The following CORO7 variants were observed in gnomAD, a reference collection of about 807,000 sequenced individuals.
The protein encoded by CORO7 is coronin-7.
Under a neutral mutation model 126.6 loss-of-function variants are expected in CORO7, and 107 were observed. The observed-to-expected ratio is 0.85, with a 90% CI of 0.72 to 0.99. CORO7 has a LOEUF of 0.99. Among genes scored for constraint, CORO7 ranks in the 50% least tolerant of loss-of-function variants. The probability of loss-of-function intolerance (pLI) is 0.00; values close to 1 mark genes in which losing one functional copy is unlikely to be tolerated. For missense variants in CORO7, 1,314 were observed against 1,255.8 expected (o/e 1.05, Z -0.70); for synonymous variants, 603 against 536.8 (o/e 1.12, Z -1.70).
intron 9 of CORO7, among the ~76,000 whole-genome samples, chr16:4,385,081 G>A (rs1236513738): frequency 2.6e-5 from 4 of 152,164 alleles, no homozygotes; most frequent in Non-Finnish European, 5.9e-5. Context: ...GCCAGGGGGC[G>A]ACCAAGCTGA....
chr16:4,364,318 C>A lies in CORO7; in HGVS notation c.1233G>T (p.Gln411His), dbSNP rs1271039567. 15 of 1,546,246 alleles carry A rather than the reference C, an allele frequency of 9.7e-6. No homozygotes were observed. Among genetic ancestry groups the A allele is most frequent in the Non-Finnish European group, 1.3e-5 (15 of 1,150,508 alleles). ...CCACGGGTGTCTCCATCACCGCAGG[C>A]TGGGCTGTGTCAGGGAGGGGCTCCG... ...PPAEPLPDTAQPAVMETPVGD... is the reference protein window; with the variant it reads ...PPAEPLPDTAHPAVMETPVGD... The change falls in exon 14 of 28, where the codon CAG becomes CAT. Residue 411 changes from glutamine to histidine, a missense_variant. Transcript: ENST00000251166.
intron 6 of CORO7, among the ~76,000 whole-genome samples, chr16:4,401,489 A>G (rs2055805734): frequency 6.6e-6 from 1 of 152,224 alleles, no homozygotes; most frequent in Admixed American, 6.5e-5. Flanking sequence ...CACCAGGTAC[A>G]GTCCAGGGAC....
chr16:4,375,980 TG>T, intron 9 of CORO7, among the ~76,000 whole-genome samples: 1 of 152,312 alleles, frequency 6.6e-6, no homozygotes, highest in East Asian at 1.9e-4. Context: ...AGCTCCTGGC[TG>T]TGGCATTATC....
chr16:4,357,634 G>C, intron 25 of CORO7: 1 of 361,340 alleles, frequency 2.8e-6, no homozygotes, highest in Non-Finnish European at 5.0e-6. Context: ...GGGATTACAG[G>C]CATGAGCCAC....
rs150550954 is a variant in CORO7, at chr16:4,369,463, G to A, written c.786-3918C>T. 1.5e-4 allele frequency among the ~76,000 whole-genome samples: 23 copies of A among 152,340 alleles called. No individual in the cohort carries two copies. In the East Asian group the frequency reaches 3.3e-3, roughly 22 times the overall value. ...GGGAAGGGCTCTGACCCTGACCCAG[G>A]TCCAGGGGTCTGTCCCAGGCATAAA... On this transcript the variant is annotated intron_variant, in intron 9 of 27. Transcript: ENST00000251166.
In CORO7 at chr16:4,367,418, G is replaced by A. The variant is rs111378085; in HGVS notation, c.786-1873C>T. 7.3e-3 allele frequency among the ~76,000 whole-genome samples: 1,114 copies of A among 152,340 alleles called. 17 individuals carry two copies. The highest frequency in any genetic ancestry group is 0.025 in the African/African-American group (1,054 of 41,570). On this transcript the variant is annotated intron_variant, in intron 9 of 27. Transcript: ENST00000251166. ...AATCATTCACTCCTTTGATGAGCTG[G>A]TCTGTGCCTGGTCCTCGGCTCGACC... is the stretch of plus-strand genomic sequence containing the variant.
intron 4 of CORO7, 54 bp downstream of exon 4, chr16:4,408,127 G>T: frequency 1.2e-6 from 2 of 1,612,944 alleles, no homozygotes; most frequent in Non-Finnish European, 1.7e-6. Context: ...GGCTCAGAAG[G>T]CCCTGGACTA....
At chr16:4,414,025 A>C (rs1478718844) in intron 1 of CORO7, among the ~76,000 whole-genome samples, 1 of 151,626 alleles carries the variant, frequency 6.6e-6, no homozygotes, top group Non-Finnish European at 1.5e-5. Flanking sequence ...TATCTCTACT[A>C]AAAATACAAA....
At chr16:4,379,331 C>G (rs913181392) in intron 9 of CORO7, among the ~76,000 whole-genome samples, 1 of 152,048 alleles carries the variant, frequency 6.6e-6, no homozygotes, top group Admixed American at 6.5e-5. Flanking sequence ...GGGGAGGGCT[C>G]TTCCTGGGGA....
At chr16:4,364,957 C>A in intron 11 of CORO7, 37 bp from the exon 12 acceptor site, 2 of 1,605,954 alleles carry the variant, frequency 1.2e-6, no homozygotes, top group Non-Finnish European at 1.7e-6. Flanking sequence ...GCAGGATGGG[C>A]AGGGGAGGGG....
intron 9 of CORO7, among the ~76,000 whole-genome samples, chr16:4,367,177 T>A (rs2054374151): frequency 6.6e-6 from 1 of 152,152 alleles, no homozygotes. Flanking sequence ...CACAGGCCCC[T>A]ACTTACTGAG....
chr16:4,381,208 A>G, intron 9 of CORO7: 1 of 1,611,944 alleles, frequency 6.2e-7, no homozygotes, highest in South Asian at 1.1e-5. Context: ...GACAGCCAAC[A>G]GGCTGCATGA....
At chr16:4,416,072 GGGA>G (rs2056399886) in intron 1 of CORO7, 3 of 245,936 alleles carry the variant, frequency 1.2e-5, no homozygotes, top group African/African-American at 6.8e-5. Context: ...CGGGGCGGCA[GGGA>G]GGAGGAGCCA....
chr16:4,401,298 G>A lies in CORO7; in HGVS notation c.564+4193C>T, dbSNP rs151087401. Among the ~76,000 whole-genome samples, 867 of 152,362 alleles carry A rather than the reference G, an allele frequency of 5.7e-3. 10 individuals carry two copies. The highest frequency in any genetic ancestry group is 0.019 in the African/African-American group (785 of 41,594). ...GGAGGAGAGGCCACGTGAGGAGGCA[G>A]ATGGTGGGAACCAAGGGGGCCGTGG... On this transcript the variant is annotated intron_variant, in intron 6 of 27. Coordinates refer to ENST00000251166, the MANE Select transcript of CORO7 (RefSeq NM_024535.5).
At chr16:4,393,905 C>A (rs1201312900) in intron 7 of CORO7, among the ~76,000 whole-genome samples, 1 of 152,108 alleles carries the variant, frequency 6.6e-6, no homozygotes, top group African/African-American at 2.4e-5. Context: ...TCGAGACCAG[C>A]CTGACCAACA....
chr16:4,381,185 G>C (rs758566146), intron 9 of CORO7: 1 of 1,611,978 alleles, frequency 6.2e-7, no homozygotes, highest in African/African-American at 1.3e-5. Context: ...GCCAACCTCA[G>C]CAACCTGGAC....
At chr16:4,374,531 G>A (rs2054649877) in intron 9 of CORO7, among the ~76,000 whole-genome samples, 2 of 152,172 alleles carry the variant, frequency 1.3e-5, no homozygotes, top group Admixed American at 6.5e-5. Context: ...AAGGAGGGAG[G>A]AGGGAGCCGG....
Position 4,362,496 on chromosome 16 carries a change from AG to A in CORO7, c.1402+115del. 4 of 1,435,514 alleles carry A rather than the reference AG, an allele frequency of 2.8e-6. No homozygotes were observed. The highest frequency in any genetic ancestry group is 1.6e-5 in the South Asian group (1 of 62,232). The allele number at this position is 1,435,514 out of a possible 1,614,324, so 88.9% of individuals were successfully genotyped here. ...ATGACCCTGCCAGTGAGTCTGGGTG[AG>A]GGGGGTGCCCTGCATGAGGCCTGTG... On this transcript the variant is annotated intron_variant, in intron 15 of 27. Coordinates refer to ENST00000251166, the MANE Select transcript of CORO7 (RefSeq NM_024535.5). The surrounding 1 kb of genome is among the most constrained non-coding windows in gnomAD (Gnocchi z 5.3).
At position 4,405,548 on chromosome 16, in the gene CORO7, G is replaced by T. The variant is rs1201726755; in HGVS notation, c.507C>A (p.Asp169Glu). The T allele has an allele frequency of 5.0e-6, 8 of 1,612,692 alleles. No homozygotes were observed. In the Admixed American group the frequency reaches 1.0e-4, roughly 20 times the overall value. The change falls in exon 6 of 28, where the codon GAC (aspartate) becomes GAA (glutamate). Residue 169 changes from aspartate (D) to glutamate (E), a missense_variant. By Grantham distance (45) the Asp-to-Glu change is conservative. Transcript: ENST00000251166. The part of the protein sequence containing the change: ...QPLTELAAHG[D>E]LVQSAVWSRD... The stretch of plus-strand genomic sequence containing the variant: ...GGCTCCAGACGGCGCTCTGCACCAG[G>T]TCCCCATGGGCTGCCAGCTCTGCAG...
Sources: allele counts gnomAD v4.1 joint callset (sites outside exome capture counted in the v4.1 genomes callset), GRCh38; gene constraint gnomAD v4.1.1; non-coding constraint Gnocchi (gnomAD v3.1); transcripts MANE v1.5; gene names NCBI Gene and HGNC (gene_info 2026-07-23, HGNC 2026-07-21).